Variants in BMPR2 observed in about 807,000 individuals in gnomAD.
BMPR2 encodes the protein bone morphogenetic protein receptor type 2.
A neutral mutation model predicts 100.8 loss-of-function variants in BMPR2; 29 were observed. The observed-to-expected ratio is 0.29, with a 90% CI of 0.21 to 0.39. The LOEUF (loss-of-function observed/expected upper bound fraction) is 0.39. Among genes scored for constraint, BMPR2 ranks in the 10% least tolerant of loss-of-function variants. The probability of loss-of-function intolerance (pLI) is 1.00; values close to 1 mark genes in which losing one functional copy is unlikely to be tolerated. For missense variants in BMPR2, 1,011 were observed against 1,274.5 expected (o/e 0.79, Z 3.15); for synonymous variants, 382 against 442.3 (o/e 0.86, Z 1.71).
At chr2:202,419,555 G>A (rs1691214056) in intron 1 of BMPR2, among the ~76,000 whole-genome samples, 1 of 151,822 alleles carries the variant, frequency 6.6e-6, no homozygotes, top group African/African-American at 2.4e-5. Context: ...TGGGGTTTCA[G>A]CATCTTGGCC....
At chr2:202,402,986 G>A (rs909249900) in intron 1 of BMPR2, among the ~76,000 whole-genome samples, 18 of 151,146 alleles carry the variant, frequency 1.2e-4, no homozygotes, top group Non-Finnish European at 2.1e-4. Context: ...GCGCCACCAC[G>A]CCCGGCTAAT....
intron 3 of BMPR2, among the ~76,000 whole-genome samples, chr2:202,506,422 T>A (rs1687521489): frequency 6.6e-6 from 1 of 152,130 alleles, no homozygotes; most frequent in Non-Finnish European, 1.5e-5. Context: ...CACCTTGGCC[T>A]CCACTTTACA....
At chr2:202,524,896 C>G (rs1177223251) in intron 7 of BMPR2, among the ~76,000 whole-genome samples, 1 of 151,880 alleles carries the variant, frequency 6.6e-6, no homozygotes, top group African/African-American at 2.4e-5. Context: ...AAAAAATTAG[C>G]CAGGCATGGT....
rs1036278605 is a variant in BMPR2, at chr2:202,422,602, G to A, written c.77-42207G>A. Among the ~76,000 whole-genome samples, 10 of 152,124 alleles carry A rather than the reference G, an allele frequency of 6.6e-5. 1 individual carries two copies. The highest frequency in any genetic ancestry group is 2.0e-4 in the Admixed American group (3 of 15,270). ...ATTACAGGCGTGAGCCATCGTGCCC[G>A]GCCATAAAGTTTTTTAAGTTAGCCA... is the stretch of plus-strand genomic sequence containing the variant. On this transcript the variant is annotated intron_variant, in intron 1 of 12. Coordinates refer to ENST00000374580, the MANE Select transcript of BMPR2 (RefSeq NM_001204.7).
chr2:202,386,921 G>C (rs1026677833), intron 1 of BMPR2, among the ~76,000 whole-genome samples: 1 of 152,110 alleles, frequency 6.6e-6, no homozygotes, highest in Non-Finnish European at 1.5e-5. Flanking sequence ...CTGACCTCGT[G>C]ATCTGCCCAC....
At position 202,560,276 on chromosome 2, in the gene BMPR2, A is replaced by G. The variant is rs948903430; in HGVS notation, c.*330A>G. 2 of 317,380 alleles carry G rather than the reference A, an allele frequency of 6.3e-6. No individual in the cohort carries two copies. Among genetic ancestry groups the G allele is most frequent in the African/African-American group, 4.3e-5 (2 of 46,286 alleles). The allele number at this position is 317,380 out of a possible 1,614,324, so 19.7% of individuals were successfully genotyped here. A position where few individuals can be genotyped will look rare whatever the true frequency, so the allele number is the denominator to read the frequency against. On this transcript the variant is annotated 3_prime_UTR_variant, in exon 13 of 13. Coordinates refer to ENST00000374580, the MANE Select transcript of BMPR2 (RefSeq NM_001204.7). ...AAAAAGCAAAAACAATGTATTGCTGATAATCAGTTTGGACCAGTTTCTTAA... is the reference window on the plus strand; with the variant it reads ...AAAAAGCAAAAACAATGTATTGCTGGTAATCAGTTTGGACCAGTTTCTTAA...
At chr2:202,392,991 C>CAAAAA (rs57464494) in intron 1 of BMPR2, among the ~76,000 whole-genome samples, 1 of 95,780 alleles carries the variant, frequency 1.0e-5, no homozygotes. Flanking sequence ...AACTCCGTCT[C>CAAAAA]AAAAAAAAAA....
At chr2:202,409,343 C>T (rs559375828) in intron 1 of BMPR2, among the ~76,000 whole-genome samples, 1 of 152,140 alleles carries the variant, frequency 6.6e-6, no homozygotes, top group East Asian at 1.9e-4. Context: ...AAGACTCTGT[C>T]TCAAAATATA....
At chr2:202,533,164 CTTCCTTCT>C (rs1278573479) in intron 9 of BMPR2, among the ~76,000 whole-genome samples, 1 of 151,766 alleles carries the variant, frequency 6.6e-6, no homozygotes, top group Non-Finnish European at 1.5e-5. Context: ...TTTCTCCCTC[CTTCCTTCT>C]TTCCTTCTTT....
At chr2:202,404,021 A>G (rs1434165864) in intron 1 of BMPR2, among the ~76,000 whole-genome samples, 2 of 150,990 alleles carry the variant, frequency 1.3e-5, no homozygotes, top group East Asian at 3.9e-4. Flanking sequence ...AAAAAAAAAA[A>G]GTGAGATATT....
rs534925607 is a variant in BMPR2, at chr2:202,534,675, C to T, written c.1276+1943C>T. 1.9e-3 allele frequency among the ~76,000 whole-genome samples: 285 copies of T among 152,320 alleles called. 6 individuals carry two copies. The highest frequency in any genetic ancestry group is 2.5e-3 in the Admixed American group (39 of 15,306). ...ATGTCTACTTCTTTCTACACAGACA[C>T]GGCAACCATCTGATTTCTCAATCTT... On this transcript the variant is annotated intron_variant, in intron 9 of 12. Transcript: ENST00000374580.
At chr2:202,457,627 CTATGCTAATTT>C (rs1368884311) in intron 1 of BMPR2, among the ~76,000 whole-genome samples, 3 of 144,284 alleles carry the variant, frequency 2.1e-5, no homozygotes, top group Non-Finnish European at 4.5e-5. Context: ...CTTTGGAAAC[CTATGCTAATTT>C]TTCTGTGTCA....
intron 10 of BMPR2, among the ~76,000 whole-genome samples, chr2:202,544,809 G>C (rs1008217337): frequency 7.8e-6 from 1 of 128,890 alleles, no homozygotes; most frequent in African/African-American, 2.9e-5. Context: ...CTGTCATTCT[G>C]GCTGGAGTAT....
chr2:202,438,594 T>C (rs7571023), intron 1 of BMPR2, among the ~76,000 whole-genome samples: 1,617 of 150,764 alleles, frequency 0.011, 165 homozygotes, highest in African/African-American at 0.036. Context: ...GATTTACTTA[T>C]TACGTTTTGC....
At chr2:202,481,293 C>T (rs1161360696) in intron 3 of BMPR2, among the ~76,000 whole-genome samples, 1 of 152,088 alleles carries the variant, frequency 6.6e-6, no homozygotes, top group Non-Finnish European at 1.5e-5. Flanking sequence ...ATTCTCCTGC[C>T]TCAGCCTCCC....
chr2:202,401,592 G>A (rs1690769838), intron 1 of BMPR2, among the ~76,000 whole-genome samples: 1 of 152,054 alleles, frequency 6.6e-6, no homozygotes, highest in African/African-American at 2.4e-5. Flanking sequence ...CTTTTACTTG[G>A]TATAAGTCAA....
At chr2:202,384,102 G>T (rs2105897264) in intron 1 of BMPR2, among the ~76,000 whole-genome samples, 1 of 152,248 alleles carries the variant, frequency 6.6e-6, no homozygotes, top group South Asian at 2.1e-4. Context: ...AACCCAGTAG[G>T]CAGAGGTTGC....
intron 3 of BMPR2, among the ~76,000 whole-genome samples, chr2:202,512,742 T>C (rs2106001228): frequency 6.6e-6 from 1 of 152,286 alleles, no homozygotes; most frequent in East Asian, 1.9e-4. Context: ...TTTACCTATG[T>C]GTGTTCCCAT....
At chr2:202,390,159 C>T (rs779875012) in intron 1 of BMPR2, among the ~76,000 whole-genome samples, 13 of 151,900 alleles carry the variant, frequency 8.6e-5, no homozygotes, top group Non-Finnish European at 1.3e-4. Context: ...AATAATATTG[C>T]GTATATTGTA....
Sources: gnomAD v4.1 joint callset for allele counts (sites outside exome capture counted in the v4.1 genomes callset) on GRCh38, gnomAD v4.1.1 for gene constraint, MANE v1.5 for transcripts, NCBI Gene and HGNC (gene_info 2026-07-23, HGNC 2026-07-21) for gene names.